HERC2: variants seen among roughly 807,000 people sequenced by gnomAD.
HERC2 encodes the protein E3 ubiquitin-protein ligase HERC2.
In HERC2, 102 loss-of-function variants were observed where a neutral mutation model predicts 537.7. The ratio of observed to expected loss-of-function variants is 0.19; its 90% confidence interval spans 0.16 to 0.22. The LOEUF (loss-of-function observed/expected upper bound fraction) is 0.22, where lower values mean the gene tolerates loss of function less well. Ranked by LOEUF, HERC2 falls within the 10% of genes least tolerant of loss-of-function variation. The pLI is 1.00. For missense variants in HERC2, 4,236 were observed against 6,198.2 expected (o/e 0.68, Z 10.63); for synonymous variants, 2,224 against 2,466.2 (o/e 0.90, Z 2.91).
chr15:28,264,150 TATA>T lies in HERC2; in HGVS notation c.1871-984_1871-982del, dbSNP rs549910144. ...CTCCACAAGTTCCCACACTCTATTT[TATA>T]ATAACTAAAGATAGGCAAATATTTT... On this transcript the variant is annotated intron_variant, in intron 14 of 92. Coordinates refer to ENST00000261609, the MANE Select transcript of HERC2 (RefSeq NM_004667.6). Among the ~76,000 whole-genome samples the T allele has an allele frequency of 2.7e-3, 404 of 152,258 alleles. 3 individuals carry two copies. Among genetic ancestry groups the T allele is most frequent in the African/African-American group, 9.3e-3 (388 of 41,546 alleles).
chr15:28,163,134 A>T lies in HERC2; in HGVS notation c.10706T>A (p.Leu3569His). 1 of 1,612,428 alleles carries T rather than the reference A, an allele frequency of 6.2e-7. No homozygotes were observed. Among genetic ancestry groups the T allele is most frequent in the Non-Finnish European group, 8.5e-7 (1 of 1,179,994 alleles). ...SRAGDRGRDV[L>H]SAVLSGMGTA... ...CCCCATGCCGGAAAGCACCGCGGAG[A>T]GCACATCCCTGCCCCTGTCCCCGGC... is the stretch of plus-strand genomic sequence containing the variant. The change falls in exon 69 of 93, where the codon CTC becomes CAC. Residue 3569 changes from leucine to histidine, a missense_variant. Coordinates refer to ENST00000261609, the MANE Select transcript of HERC2 (RefSeq NM_004667.6).
chr15:28,229,896 A>C, intron 31 of HERC2, 49 bp from the exon 32 acceptor site: 1 of 823,332 alleles, frequency 1.2e-6, no homozygotes. Context: ...ATTTAATAAT[A>C]AACTGTGCTC....
At chr15:28,229,644 T>C (rs777016910) in intron 32 of HERC2, 30 bp downstream of exon 32, 75 of 1,607,440 alleles carry the variant, frequency 4.7e-5, no homozygotes, top group East Asian at 2.5e-4. Context: ...TATTACCCAA[T>C]GCAGAGAAGC....
In HERC2 at chr15:28,167,667, A is replaced by G; in HGVS notation, c.10554+20T>C. 6.2e-7 allele frequency: 1 copy of G among 1,613,536 alleles called. No homozygotes were observed. The highest frequency in any genetic ancestry group is 1.3e-5 in the African/African-American group (1 of 75,016). The stretch of plus-strand genomic sequence containing the variant: ...TAAGATTATTTCACAATACAAAGTT[A>G]AAGAAGAACGCCTCTTCACCTCTTT... On this transcript the variant is annotated intron_variant, in intron 68 of 92. Transcript: ENST00000261609.
intron 12 of HERC2, among the ~76,000 whole-genome samples, chr15:28,266,515 C>A (rs1567092488): frequency 6.7e-6 from 1 of 149,832 alleles, no homozygotes; most frequent in Admixed American, 6.6e-5. Flanking sequence ...AACTCCATCT[C>A]AAAAAAAAAG....
rs776977318 is a variant in HERC2, at chr15:28,161,442, C to T, written c.10746+1652G>A. Among the ~76,000 whole-genome samples the T allele has an allele frequency of 9.2e-5, 14 of 152,328 alleles. 1 individual carries two copies. In the Middle Eastern group the frequency reaches 0.01, roughly 111 times the overall value. On this transcript the variant is annotated intron_variant, in intron 69 of 92. Coordinates refer to ENST00000261609, the MANE Select transcript of HERC2 (RefSeq NM_004667.6). ...AAGTGTCTGCAGCCAGGAAGGACAT[C>T]TCAGGCTCCCTGGCAGGGCAGAGCA...
chr15:28,198,506 A>G lies in HERC2; in HGVS notation c.7886-3T>C. ...AGAAGAACTTGGTGGAGGATAGCCT[A>G]CAGATGTCAATAACAAATCATTATA... On this transcript the variant is annotated splice_region_variant and splice_polypyrimidine_tract_variant and intron_variant, in intron 49 of 92. Transcript: ENST00000261609. The G allele has an allele frequency of 1.9e-6, 3 of 1,613,520 alleles. No individual in the cohort carries two copies. The highest frequency in any genetic ancestry group is 2.5e-6 in the Non-Finnish European group (3 of 1,179,920).
intron 69 of HERC2, among the ~76,000 whole-genome samples, chr15:28,157,364 C>T (rs1159234293): frequency 1.3e-5 from 2 of 152,180 alleles, no homozygotes; most frequent in African/African-American, 2.4e-5. Context: ...GCTGTGATTC[C>T]ATCTGGTCCT....
At chr15:28,287,954 G>A (rs971909221) in intron 4 of HERC2, among the ~76,000 whole-genome samples, 2 of 151,986 alleles carry the variant, frequency 1.3e-5, no homozygotes, top group African/African-American at 2.4e-5. Context: ...TCGATCTCCT[G>A]ACATCATGAT....
At chr15:28,292,627 G>A (rs750102347) in intron 4 of HERC2, among the ~76,000 whole-genome samples, 2 of 152,140 alleles carry the variant, frequency 1.3e-5, no homozygotes, top group African/African-American at 2.4e-5. Flanking sequence ...ACCAGCCTGG[G>A]CAACACAGTG....
chr15:28,274,573 T>G, intron 6 of HERC2, 126 bp from the exon 7 acceptor site: 1 of 939,978 alleles, frequency 1.1e-6, no homozygotes, highest in Non-Finnish European at 1.6e-6. Context: ...GGCCAAAATC[T>G]AGCGCAGCTG....
chr15:28,201,477 T>C lies in HERC2; in HGVS notation c.7695A>G (p.Val2565=), dbSNP rs1321294422. ...TCACCTGAATATTCTCTCTCACATA[T>C]ACAGCATAATCATCATTACTCAAGA... is the stretch of plus-strand genomic sequence containing the variant. ...ADFLSNDDYA[V]YVRENIQVGM... is the part of the protein sequence containing the mutation. Residue 2565 remains valine, a synonymous_variant, in exon 48 of 93, where the codon GTA becomes GTG. Coordinates refer to ENST00000261609, the MANE Select transcript of HERC2 (RefSeq NM_004667.6). 2 of 1,607,234 alleles carry C rather than the reference T, an allele frequency of 1.2e-6. No homozygotes were observed. Among genetic ancestry groups the C allele is most frequent in the Admixed American group, 1.7e-5 (1 of 60,002 alleles).
intron 20 of HERC2, 46 bp from the exon 21 acceptor site, chr15:28,248,782 A>C: frequency 6.8e-7 from 1 of 1,477,402 alleles, no homozygotes; most frequent in Non-Finnish European, 9.4e-7. Context: ...AGATATTTCT[A>C]CTAAAAAGAA....
chr15:28,209,710 T>C (rs1567017056), intron 44 of HERC2, among the ~76,000 whole-genome samples: 2 of 152,156 alleles, frequency 1.3e-5, no homozygotes, highest in Non-Finnish European at 2.9e-5. Flanking sequence ...TACTACACCA[T>C]TTTATAGAAG....
At chr15:28,138,281 C>A (rs1361131318) in intron 78 of HERC2, among the ~76,000 whole-genome samples, 1 of 152,128 alleles carries the variant, frequency 6.6e-6, no homozygotes, top group African/African-American at 2.4e-5. Flanking sequence ...AGGCTTTCAA[C>A]GTAGATGGAA....
rs551798719 is a variant in HERC2, at chr15:28,122,362, G to A, written c.13189-933C>T. ...CAAGGAGGCAATCGTGCCTTCTTTC[G>A]GTTAGGGGTGGGCTGTGGGAGCACA... On this transcript the variant is annotated intron_variant, in intron 85 of 92. Coordinates refer to ENST00000261609, the MANE Select transcript of HERC2 (RefSeq NM_004667.6). This position sits in a 1 kb window ranked among gnomAD's most constrained non-coding sequence, Gnocchi z 4.1. 7.0e-4 allele frequency among the ~76,000 whole-genome samples: 107 copies of A among 152,326 alleles called. No homozygotes were observed. The highest frequency in any genetic ancestry group is 3.4e-3 in the Middle Eastern group (1 of 294).
Position 28,246,900 on chromosome 15 carries a change from T to G in HERC2, c.3236-3A>C. 1 of 1,593,124 alleles carries G rather than the reference T, an allele frequency of 6.3e-7. No homozygotes were observed. Among genetic ancestry groups the G allele is most frequent in the Non-Finnish European group, 8.5e-7 (1 of 1,174,360 alleles). ...ACCAACACCCATTAGCTCTGGACCT[T>G]GAAGAAGGATTGAGAAATTTTCATT... On this transcript the variant is annotated splice_region_variant and splice_polypyrimidine_tract_variant and intron_variant, in intron 21 of 92. Transcript: ENST00000261609.
intron 4 of HERC2, among the ~76,000 whole-genome samples, chr15:28,290,489 C>A (rs2141125295): frequency 6.6e-6 from 1 of 152,186 alleles, no homozygotes; most frequent in Non-Finnish European, 1.5e-5. Flanking sequence ...CTCAGCCTCC[C>A]AAAGTGTTGG....
intron 85 of HERC2, among the ~76,000 whole-genome samples, chr15:28,123,276 A>T (rs988703605): frequency 6.6e-6 from 1 of 152,250 alleles, no homozygotes. Context: ...AATTTTATTA[A>T]ATCACTAAGA....
Sources: gnomAD v4.1 joint callset for allele counts (sites outside exome capture counted in the v4.1 genomes callset) on GRCh38, gnomAD v4.1.1 for gene constraint, Gnocchi (gnomAD v3.1) non-coding constraint, MANE v1.5 for transcripts, NCBI Gene and HGNC (gene_info 2026-07-23, HGNC 2026-07-21) for gene names.